PRKN: variants seen among roughly 807,000 people sequenced by gnomAD.
PRKN encodes parkin RBR E3 ubiquitin protein ligase.
In PRKN, 56 loss-of-function variants were observed where a neutral mutation model predicts 59.5. The ratio of observed to expected loss-of-function variants is 0.94; its 90% confidence interval spans 0.76 to 1.18. PRKN has a LOEUF of 1.18. PRKN is among the 50% of genes most tolerant of loss of function. The pLI is 0.00. For missense variants in PRKN, 657 were observed against 596.4 expected, an observed-to-expected ratio of 1.10 and a Z score of -1.06; for synonymous variants, 250 against 222.1, an observed-to-expected ratio of 1.13 and a Z score of -1.12.
intron 6 of PRKN, among the ~76,000 whole-genome samples, chr6:161,926,161 A>ATC: frequency 6.6e-6 from 1 of 152,168 alleles, no homozygotes; most frequent in Admixed American, 6.5e-5. Context: ...AACACTTAGA[A>ATC]TGACAAGGAA....
chr6:161,368,297 TTATATATATTTG>T (rs1474513058), intron 10 of PRKN, among the ~76,000 whole-genome samples: 5 of 140,048 alleles, frequency 3.6e-5, no homozygotes, highest in African/African-American at 8.0e-5. Flanking sequence ...TTATATATAT[TTATATATATTTG>T]TATATATATT....
chr6:161,411,734 CCACT>C (rs1437396067), intron 9 of PRKN, among the ~76,000 whole-genome samples: 2 of 151,520 alleles, frequency 1.3e-5, no homozygotes, highest in Non-Finnish European at 2.9e-5. Context: ...ACTCATTCCT[CCACT>C]CAGTCATTCC....
At chr6:162,190,987 T>C (rs930770386) in intron 4 of PRKN, among the ~76,000 whole-genome samples, 1 of 152,182 alleles carries the variant, frequency 6.6e-6, no homozygotes, top group Non-Finnish European at 1.5e-5. Context: ...CATCTATGTG[T>C]AGAAACAGGC....
chr6:161,408,532 T>C lies in PRKN; in HGVS notation c.1084-21655A>G, dbSNP rs149294333. On this transcript the variant is annotated intron_variant, in intron 9 of 11. Transcript: ENST00000366898. ...TTACTGACATTGTCTAATGAGTATG[T>C]ATTACTTTTGTAATAATAAAAACTC... Among the ~76,000 whole-genome samples the C allele has an allele frequency of 1.4e-4, 22 of 151,814 alleles. No homozygotes were observed. In the East Asian group the frequency reaches 4.3e-3, roughly 29 times the overall value.
chr6:161,763,088 T>A (rs1789270385), intron 7 of PRKN, among the ~76,000 whole-genome samples: 1 of 152,190 alleles, frequency 6.6e-6, no homozygotes, highest in Non-Finnish European at 1.5e-5. Flanking sequence ...TCTGTAACCG[T>A]TGTATTACCT....
At chr6:162,543,160 T>C (rs1018547166) in intron 1 of PRKN, among the ~76,000 whole-genome samples, 1 of 152,136 alleles carries the variant, frequency 6.6e-6, no homozygotes, top group African/African-American at 2.4e-5. Flanking sequence ...GTATCCTAAT[T>C]TTCCTCTGCT....
intron 6 of PRKN, among the ~76,000 whole-genome samples, chr6:161,951,785 G>A (rs1052748635): frequency 2.1e-4 from 32 of 152,004 alleles, no homozygotes; most frequent in Non-Finnish European, 4.1e-4. Flanking sequence ...AGCTAGGCAT[G>A]GTGACGGGCC....
chr6:161,940,330 G>T (rs569873695), intron 6 of PRKN, among the ~76,000 whole-genome samples: 8 of 152,248 alleles, frequency 5.3e-5, no homozygotes, highest in Admixed American at 5.2e-4. Flanking sequence ...GTGTGTCTTT[G>T]TGTATGAGCA....
In PRKN at chr6:162,063,804, C is replaced by T. The variant is rs541916129; in HGVS notation, c.535-9630G>A. Among the ~76,000 whole-genome samples the T allele has an allele frequency of 7.8e-4, 119 of 152,330 alleles. 2 individuals are homozygous for T. The highest frequency in any genetic ancestry group is 5.9e-4 in the Non-Finnish European group (40 of 68,022). The stretch of plus-strand genomic sequence containing the variant: ...AAAAGATCCGCCTGCCTTGGCCTCC[C>T]GTAGTTCCGGGATTACAGGCAAGAG... On this transcript the variant is annotated intron_variant, in intron 4 of 11. Transcript: ENST00000366898.
rs1491531194 is a variant in PRKN, at chr6:161,858,857, A to ATTTTTTTTTTT, written c.735-72950_735-72949insAAAAAAAAAAA. Among the ~76,000 whole-genome samples the ATTTTTTTTTTT allele has an allele frequency of 1.6e-3, 90 of 55,898 alleles. 1 individual carries two copies. Among genetic ancestry groups the ATTTTTTTTTTT allele is most frequent in the East Asian group, 2.5e-3 (3 of 1,204 alleles). 36.7% of individuals were successfully genotyped at this position (55,898 alleles called of 152,430 possible). ...CCTTTCAATTAACTAGCACAGCTGT[A>ATTTTTTTTTTT]CTTTTTTTTTTTTTTTTTTTTGAGA... On this transcript the variant is annotated intron_variant, in intron 6 of 11. Transcript: ENST00000366898.
chr6:161,490,059 C>G (rs1364952006), intron 9 of PRKN, among the ~76,000 whole-genome samples: 1 of 152,226 alleles, frequency 6.6e-6, no homozygotes, highest in Non-Finnish European at 1.5e-5. Context: ...GATATTCCAA[C>G]TTAATGTCTT....
chr6:161,430,758 T>C (rs1583057308), intron 9 of PRKN, among the ~76,000 whole-genome samples: 1 of 128,964 alleles, frequency 7.8e-6, no homozygotes, highest in Non-Finnish European at 1.5e-5. Context: ...GAGCTTGCAG[T>C]GAGCCAAGAT....
At chr6:162,427,771 G>A (rs372088974) in intron 2 of PRKN, among the ~76,000 whole-genome samples, 101 of 151,598 alleles carry the variant, frequency 6.7e-4, no homozygotes, top group South Asian at 2.3e-3. Context: ...TCAGCCTCCC[G>A]GGTAGCTGGG....
intron 1 of PRKN, among the ~76,000 whole-genome samples, chr6:162,503,249 G>C (rs1239941933): frequency 6.9e-6 from 1 of 144,994 alleles, no homozygotes; most frequent in East Asian, 2.0e-4. Context: ...TGCAACCTCT[G>C]CCTCCCGGGT....
chr6:162,088,896 A>G (rs1183064358), intron 4 of PRKN, among the ~76,000 whole-genome samples: 1 of 152,154 alleles, frequency 6.6e-6, no homozygotes, highest in East Asian at 1.9e-4. Flanking sequence ...ATCACATTAC[A>G]TATAAAAATT....
intron 7 of PRKN, among the ~76,000 whole-genome samples, chr6:161,636,210 G>A (rs1240452356): frequency 6.6e-6 from 1 of 152,252 alleles, no homozygotes; most frequent in Non-Finnish European, 1.5e-5. Flanking sequence ...GCACAGGACA[G>A]CCTAGGGGAG....
At chr6:161,791,595 T>G (rs1790640959) in intron 6 of PRKN, among the ~76,000 whole-genome samples, 1 of 152,174 alleles carries the variant, frequency 6.6e-6, no homozygotes, top group Non-Finnish European at 1.5e-5. Flanking sequence ...AGGCTGTGGA[T>G]GAAATGTGAC....
chr6:161,633,948 CTG>C lies in PRKN; in HGVS notation c.872-64534_872-64533del, dbSNP rs1207716796. 2.0e-5 allele frequency among the ~76,000 whole-genome samples: 3 copies of C among 151,060 alleles called. No individual in the cohort carries two copies. The East Asian group carries it at 5.9e-4, about 30-fold the overall frequency. On this transcript the variant is annotated intron_variant, in intron 7 of 11. Transcript: ENST00000366898. ...CTAAAGCTGGGTGCTAAAAATGTGT[CTG>C]TGTGTACGTCACATGAGGAGGGGGC...
intron 2 of PRKN, among the ~76,000 whole-genome samples, chr6:162,393,172 T>C (rs181855925): frequency 0.076 from 10,492 of 138,840 alleles, 528 homozygotes; most frequent in Middle Eastern, 0.11. Context: ...TTTTTTTTTT[T>C]TTTTTGAGAC....
Sources: gnomAD v4.1 joint callset for allele counts (sites outside exome capture counted in the v4.1 genomes callset) on GRCh38, gnomAD v4.1.1 for gene constraint, MANE v1.5 for transcripts, NCBI Gene and HGNC (gene_info 2026-07-23, HGNC 2026-07-21) for gene names.